Variants in DAB1 observed in about 807,000 individuals in gnomAD.
The protein encoded by DAB1 is DAB adaptor protein 1.
DAB1 carries 15 observed loss-of-function variants against 64.6 expected under a neutral mutation model. The observed-to-expected ratio is 0.23, with a 90% CI of 0.16 to 0.36. DAB1 has a LOEUF of 0.36. DAB1 is among the 10% of genes least tolerant of loss of function. The probability of loss-of-function intolerance (pLI) is 1.00; values close to 1 mark genes in which losing one functional copy is unlikely to be tolerated. For missense variants in DAB1, 596 were observed against 706.7 expected (o/e 0.84, Z 1.78); for synonymous variants, 235 against 251.9 (o/e 0.93, Z 0.64).
chr1:57,632,852 T>C lies in DAB1; in HGVS notation n.625+16740A>G, dbSNP rs926415784. Among the ~76,000 whole-genome samples, 5 of 152,234 alleles carry C rather than the reference T, an allele frequency of 3.3e-5. 1 individual carries two copies. Among genetic ancestry groups the C allele is most frequent in the Non-Finnish European group, 4.4e-5 (3 of 68,046 alleles). The stretch of plus-strand genomic sequence containing the variant: ...AATTGTTATTCTCTGACAGGAGTTG[T>C]AGTACTATGTGTTTTAAATGGATCA... On this transcript the variant is annotated intron_variant and non_coding_transcript_variant, in intron 7 of 20. Coordinates refer to the DAB1 transcript ENST00000485760.
intron 3 of DAB1, among the ~76,000 whole-genome samples, chr1:58,431,483 G>C (rs849470): frequency 6.7e-6 from 1 of 149,514 alleles, no homozygotes; most frequent in African/African-American, 2.5e-5. Context: ...GCTTGAACCC[G>C]GGAGGTGGAG....
chr1:57,617,062 G>A (rs1475264535), intron 7 of DAB1, among the ~76,000 whole-genome samples: 2 of 152,148 alleles, frequency 1.3e-5, no homozygotes, highest in Non-Finnish European at 1.5e-5. Flanking sequence ...CCAGTGGACC[G>A]TCATTCTGTC....
At chr1:58,416,449 G>A (rs1644722077) in intron 3 of DAB1, among the ~76,000 whole-genome samples, 1 of 152,136 alleles carries the variant, frequency 6.6e-6, no homozygotes, top group South Asian at 2.1e-4. Context: ...CATGAGATAT[G>A]GGATGTGATA....
At chr1:58,101,038 C>T (rs192501382) in intron 5 of DAB1, among the ~76,000 whole-genome samples, 8 of 152,254 alleles carry the variant, frequency 5.3e-5, no homozygotes, top group African/African-American at 7.2e-5. Context: ...CAGTCACAGC[C>T]GGGCGCGGTG....
chr1:57,997,723 C>T (rs997275439), intron 5 of DAB1, among the ~76,000 whole-genome samples: 2 of 152,012 alleles, frequency 1.3e-5, no homozygotes, highest in Admixed American at 6.6e-5. Flanking sequence ...AATTTTTATG[C>T]AGTAGAAGAA....
intron 6 of DAB1, among the ~76,000 whole-genome samples, chr1:57,807,024 C>T (rs563664626): frequency 6.6e-6 from 1 of 152,264 alleles, no homozygotes; most frequent in African/African-American, 2.4e-5. Context: ...ATGAATGAAC[C>T]TATGTGTGCT....
intron 9 of DAB1, among the ~76,000 whole-genome samples, chr1:57,028,922 GA>G (rs537393966): frequency 1.3e-5 from 2 of 150,522 alleles, no homozygotes; most frequent in African/African-American, 4.9e-5. Context: ...CTACGTGATA[GA>G]AAAAAAAAAT....
intron 5 of DAB1, among the ~76,000 whole-genome samples, chr1:57,956,984 T>C (rs1220101116): frequency 1.3e-5 from 2 of 152,168 alleles, no homozygotes; most frequent in African/African-American, 4.8e-5. Context: ...TCATAGGCCA[T>C]GTAAATAAAA....
At chr1:57,463,252 G>C (rs935448416) in intron 7 of DAB1, among the ~76,000 whole-genome samples, 1 of 152,126 alleles carries the variant, frequency 6.6e-6, no homozygotes, top group Non-Finnish European at 1.5e-5. Flanking sequence ...ATAGTGGATT[G>C]TATATGATAG....
chr1:57,976,373 T>C (rs1006147039), intron 5 of DAB1, among the ~76,000 whole-genome samples: 1 of 152,194 alleles, frequency 6.6e-6, no homozygotes. Context: ...AAGCTTCAAA[T>C]TGATTTAATT....
intron 4 of DAB1, among the ~76,000 whole-genome samples, chr1:58,195,409 A>C (rs1467281863): frequency 1.3e-5 from 2 of 152,224 alleles, no homozygotes; most frequent in Non-Finnish European, 2.9e-5. Context: ...AGAGGCACAA[A>C]GACAAAGTGA....
chr1:57,033,948 TC>T (rs561568258), intron 9 of DAB1, among the ~76,000 whole-genome samples: 119 of 152,330 alleles, frequency 7.8e-4, no homozygotes, highest in African/African-American at 2.5e-3. Context: ...ACAGCTGGTT[TC>T]CATGTGTTTT....
At chr1:57,605,347 A>G (rs1223123637) in intron 7 of DAB1, among the ~76,000 whole-genome samples, 1 of 152,206 alleles carries the variant, frequency 6.6e-6, no homozygotes, top group Non-Finnish European at 1.5e-5. Context: ...TGAGTGTTAA[A>G]TAAAATGCAA....
intron 4 of DAB1, among the ~76,000 whole-genome samples, chr1:58,164,089 C>G (rs1325141419): frequency 2.0e-5 from 3 of 150,266 alleles, no homozygotes; most frequent in Non-Finnish European, 4.4e-5. Flanking sequence ...AAAAGCAAAA[C>G]TAAGTGGAGA....
rs1570668671 is a variant in DAB1, at chr1:57,606,618, A to AT, written n.625+42973_625+42974insA. On this transcript the variant is annotated intron_variant and non_coding_transcript_variant, in intron 7 of 20. Transcript: ENST00000485760. ...TATATATTATATATATGAAATATATAATATATGAAATATATTATATATGAA... is the reference window on the plus strand; with the variant it reads ...TATATATTATATATATGAAATATATATATATATGAAATATATTATATATGAA... 1.0e-4 allele frequency among the ~76,000 whole-genome samples: 12 copies of AT among 118,972 alleles called. No homozygotes were observed. In the East Asian group the frequency reaches 2.3e-3, roughly 23 times the overall value. The allele number at this position is 118,972 out of a possible 152,430, so 78.1% of individuals were successfully genotyped here.
At chr1:57,123,521 C>A (rs937992849) in intron 4 of DAB1, among the ~76,000 whole-genome samples, 3 of 152,012 alleles carry the variant, frequency 2.0e-5, no homozygotes, top group African/African-American at 7.2e-5. Context: ...TCTAGCAGTA[C>A]AACTTTTTAG....
chr1:57,245,096 T>C (rs776891669), intron 2 of DAB1, among the ~76,000 whole-genome samples: 7 of 152,134 alleles, frequency 4.6e-5, no homozygotes, highest in Non-Finnish European at 7.3e-5. Context: ...AAAATACTGA[T>C]AGGGATATGG....
chr1:57,998,556 GT>G (rs1260448779), intron 5 of DAB1, among the ~76,000 whole-genome samples: 1 of 151,988 alleles, frequency 6.6e-6, no homozygotes, highest in Non-Finnish European at 1.5e-5. Flanking sequence ...TAGAGACGGG[GT>G]TTCACCATGT....
intron 7 of DAB1, among the ~76,000 whole-genome samples, chr1:57,489,740 A>G (rs568223502): frequency 6.6e-6 from 1 of 152,346 alleles, no homozygotes; most frequent in Middle Eastern, 3.4e-3. Context: ...ATTAAATACT[A>G]TAATGATACA....
Sources: gnomAD v4.1 joint callset for allele counts (sites outside exome capture counted in the v4.1 genomes callset) on GRCh38, gnomAD v4.1.1 for gene constraint, MANE v1.5 for transcripts, NCBI Gene and HGNC (gene_info 2026-07-23, HGNC 2026-07-21) for gene names.